The following NEGR1 variants were observed in gnomAD, a reference collection of about 807,000 sequenced individuals.
The protein encoded by NEGR1 is IgLON family member 4.
In NEGR1, 10 loss-of-function variants were observed where a neutral mutation model predicts 40.9. That is an observed-to-expected ratio of 0.24 (90% CI 0.15 to 0.42). The LOEUF (loss-of-function observed/expected upper bound fraction) is 0.42. Among genes scored for constraint, NEGR1 ranks in the 10% least tolerant of loss-of-function variants. NEGR1 has a pLI of 1.00. For missense variants in NEGR1, 352 were observed against 438.9 expected (o/e 0.80, Z 1.77); for synonymous variants, 185 against 166.8 (o/e 1.11, Z -0.84).
intron 2 of NEGR1, among the ~76,000 whole-genome samples, chr1:71,829,103 T>C (rs1658746371): frequency 6.6e-6 from 1 of 151,988 alleles, no homozygotes; most frequent in African/African-American, 2.4e-5. Context: ...ATATACTTTG[T>C]GATTTTTTAA....
At chr1:72,210,402 AGTT>A (rs1263491015) in intron 1 of NEGR1, among the ~76,000 whole-genome samples, 3 of 151,932 alleles carry the variant, frequency 2.0e-5, no homozygotes, top group African/African-American at 7.2e-5. Flanking sequence ...TTCTAAGTAC[AGTT>A]GTTGTCTCAA....
At chr1:71,767,061 T>C (rs542762895) in intron 3 of NEGR1, among the ~76,000 whole-genome samples, 1 of 152,314 alleles carries the variant, frequency 6.6e-6, no homozygotes, top group Non-Finnish European at 1.5e-5. Context: ...GGTATTTCTT[T>C]ATAGCAGTGC....
chr1:71,582,008 C>T (rs1197056056), intron 6 of NEGR1, among the ~76,000 whole-genome samples: 2 of 152,138 alleles, frequency 1.3e-5, no homozygotes, highest in Non-Finnish European at 2.9e-5. Flanking sequence ...CTGACCTACA[C>T]ACATCCTTTA....
At chr1:71,915,951 A>G (rs1661566358) in intron 2 of NEGR1, among the ~76,000 whole-genome samples, 2 of 152,216 alleles carry the variant, frequency 1.3e-5, no homozygotes, top group Non-Finnish European at 2.9e-5. Flanking sequence ...AGAAGAAATG[A>G]TTAATCCTAC....
chr1:71,831,187 G>A (rs1658827597), intron 2 of NEGR1, among the ~76,000 whole-genome samples: 1 of 151,930 alleles, frequency 6.6e-6, no homozygotes, highest in Non-Finnish European at 1.5e-5. Context: ...AGGACAGCCA[G>A]TTGTTGCTGG....
chr1:71,928,469 T>C (rs1007236239), intron 2 of NEGR1, among the ~76,000 whole-genome samples: 3 of 145,202 alleles, frequency 2.1e-5, no homozygotes, highest in Non-Finnish European at 4.5e-5. Context: ...CACATACTTA[T>C]ATATACACAT....
intron 1 of NEGR1, among the ~76,000 whole-genome samples, chr1:72,163,253 T>C (rs1651649068): frequency 6.6e-6 from 1 of 152,098 alleles, no homozygotes; most frequent in Non-Finnish European, 1.5e-5. Context: ...GTAAATAAGG[T>C]CATCAATTTA....
intron 6 of NEGR1, among the ~76,000 whole-genome samples, chr1:71,411,754 C>G (rs927136855): frequency 9.9e-5 from 15 of 152,210 alleles, no homozygotes; most frequent in Non-Finnish European, 7.4e-5. Context: ...ACTCCCAGCA[C>G]TTTGGGAGGC....
chr1:71,928,978 G>A (rs1204099245), intron 2 of NEGR1, among the ~76,000 whole-genome samples: 2 of 151,686 alleles, frequency 1.3e-5, no homozygotes, highest in Non-Finnish European at 2.9e-5. Context: ...CCCTGCAAAG[G>A]GAATAAGAAT....
intron 1 of NEGR1, among the ~76,000 whole-genome samples, chr1:71,996,670 A>G (rs1056310445): frequency 5.9e-5 from 9 of 152,206 alleles, no homozygotes; most frequent in African/African-American, 9.6e-5. Context: ...GCTCCCATCA[A>G]TGCTTACCTG....
At chr1:71,864,864 G>A (rs1365047197) in intron 2 of NEGR1, among the ~76,000 whole-genome samples, 1 of 152,096 alleles carries the variant, frequency 6.6e-6, no homozygotes, top group Non-Finnish European at 1.5e-5. Context: ...GATGCACATG[G>A]CTTTATACAG....
At chr1:71,434,946 C>T (rs946837316) in intron 6 of NEGR1, among the ~76,000 whole-genome samples, 3 of 152,052 alleles carry the variant, frequency 2.0e-5, no homozygotes, top group Non-Finnish European at 4.4e-5. Flanking sequence ...AAAAAATTAG[C>T]CCGGCATAGT....
chr1:72,085,600 C>G (rs1648188301), intron 1 of NEGR1, among the ~76,000 whole-genome samples: 1 of 152,116 alleles, frequency 6.6e-6, no homozygotes. Context: ...CTACTGAATA[C>G]TACAAATAAT....
At chr1:71,434,441 G>A (rs752263940) in intron 6 of NEGR1, among the ~76,000 whole-genome samples, 2 of 152,130 alleles carry the variant, frequency 1.3e-5, no homozygotes, top group Non-Finnish European at 2.9e-5. Flanking sequence ...TGCTATTGTG[G>A]TGAGCTTGAG....
At chr1:72,204,734 C>G (rs1276364239) in intron 1 of NEGR1, among the ~76,000 whole-genome samples, 1 of 152,114 alleles carries the variant, frequency 6.6e-6, no homozygotes, top group Non-Finnish European at 1.5e-5. Context: ...TACATGGATA[C>G]TCATGTTTAC....
chr1:72,248,338 A>T (rs1288224879), intron 1 of NEGR1, among the ~76,000 whole-genome samples: 2 of 152,052 alleles, frequency 1.3e-5, no homozygotes, highest in Admixed American at 1.3e-4. Flanking sequence ...GCACACTGCA[A>T]CCTCCGCCTT....
intron 1 of NEGR1, among the ~76,000 whole-genome samples, chr1:71,953,290 T>G (rs930423225): frequency 6.6e-6 from 1 of 151,732 alleles, no homozygotes; most frequent in Non-Finnish European, 1.5e-5. Flanking sequence ...TGAGAAGAGG[T>G]CAAAATATCA....
intron 1 of NEGR1, among the ~76,000 whole-genome samples, chr1:72,008,231 A>C (rs1176203695): frequency 6.6e-6 from 1 of 152,162 alleles, no homozygotes; most frequent in African/African-American, 2.4e-5. Context: ...GACCAAGGTC[A>C]CATAGTTAAT....
intron 3 of NEGR1, among the ~76,000 whole-genome samples, chr1:71,747,704 C>G (rs780762911): frequency 1.3e-5 from 2 of 152,140 alleles, no homozygotes; most frequent in Non-Finnish European, 2.9e-5. Context: ...GGACTATAGG[C>G]ATGAGCCACT....
Sources: gnomAD v4.1 joint callset for allele counts (sites outside exome capture counted in the v4.1 genomes callset) on GRCh38, gnomAD v4.1.1 for gene constraint, MANE v1.5 for transcripts, NCBI Gene and HGNC (gene_info 2026-07-23, HGNC 2026-07-21) for gene names.